XRN1: variants seen among roughly 807,000 people sequenced by gnomAD.
The protein encoded by XRN1 is 5'-3' exoribonuclease 1, also known as strand-exchange protein 1 homolog.
Under a neutral mutation model 222.3 loss-of-function variants are expected in XRN1, and 67 were observed. That is an observed-to-expected ratio of 0.30 (90% CI 0.25 to 0.37). The LOEUF (loss-of-function observed/expected upper bound fraction) is 0.37. Ranked by LOEUF, XRN1 falls within the 10% of genes least tolerant of loss-of-function variation. The pLI, the probability that XRN1 is intolerant of heterozygous loss-of-function variation, is 1.00. For missense variants in XRN1, 1,707 were observed against 2,000.2 expected (o/e 0.85, Z 2.80); for synonymous variants, 643 against 652.4 (o/e 0.99, Z 0.22).
chr3:142,345,360 T>C (rs1428196841), intron 33 of XRN1, among the ~76,000 whole-genome samples: 1 of 152,146 alleles, frequency 6.6e-6, no homozygotes, highest in Non-Finnish European at 1.5e-5. Flanking sequence ...GAAGAATGAA[T>C]ATGAACTCCT....
Position 142,337,829 on chromosome 3 carries a change from G to GA in XRN1, c.3878-2321dup, listed in dbSNP as rs1560302304. On this transcript the variant is annotated intron_variant, in intron 33 of 40. Transcript: ENST00000392981. ...GACATCAGCAAAATGTCAGAGTAAG[G>GA]ACCTCCAAAAATTCTCTCCTCCATA... Among the ~76,000 whole-genome samples the GA allele has an allele frequency of 2.0e-5, 3 of 152,252 alleles. No homozygotes were observed. In the South Asian group the frequency reaches 6.2e-4, roughly 32 times the overall value.
chr3:142,399,243 A>G lies in XRN1; in HGVS notation c.2207+1201T>C, dbSNP rs548694390. ...AAAATAGCTAAAACAATTCTGAAAA[A>G]AAAAAAAAAAAAAAGTGAAGTTGAA... On this transcript the variant is annotated intron_variant, in intron 19 of 40. Transcript: ENST00000392981. Among the ~76,000 whole-genome samples the G allele has an allele frequency of 1.8e-3, 265 of 151,336 alleles. 1 individual carries two copies. Among genetic ancestry groups the G allele is most frequent in the African/African-American group, 6.1e-3 (255 of 41,464 alleles).
rs77999111 is a variant in XRN1 at position 142,329,094 on chromosome 3, G to A, written c.4404+340C>T. Among the ~76,000 whole-genome samples the A allele has an allele frequency of 6.1e-4, 93 of 151,816 alleles. 1 individual carries two copies. In the East Asian group the frequency reaches 0.018, roughly 29 times the overall value. On this transcript the variant is annotated intron_variant, in intron 37 of 40. Transcript: ENST00000392981. ...TTTTAATTTCAAACACAGTAAATATGGATATAAGTAAACAAAATCTCTTTG... is the reference window on the plus strand; with the variant it reads ...TTTTAATTTCAAACACAGTAAATATAGATATAAGTAAACAAAATCTCTTTG...
At chr3:142,427,804 A>C (rs2069324146) in intron 2 of XRN1, among the ~76,000 whole-genome samples, 1 of 152,224 alleles carries the variant, frequency 6.6e-6, no homozygotes. Flanking sequence ...GCAGCGTACC[A>C]GCATGCCACA....
At chr3:142,374,675 T>C (rs2067087562) in intron 25 of XRN1, among the ~76,000 whole-genome samples, 1 of 152,168 alleles carries the variant, frequency 6.6e-6, no homozygotes, top group Non-Finnish European at 1.5e-5. Flanking sequence ...AGAAAATCCA[T>C]AAATATGTCA....
intron 22 of XRN1, among the ~76,000 whole-genome samples, chr3:142,380,696 T>C (rs1475034259): frequency 6.6e-6 from 1 of 151,960 alleles, no homozygotes; most frequent in Admixed American, 6.6e-5. Context: ...CTCTGTCATC[T>C]AGGCTGGAGT....
intron 1 of XRN1, among the ~76,000 whole-genome samples, chr3:142,444,852 CATA>C (rs967022832): frequency 1.3e-5 from 2 of 152,158 alleles, no homozygotes; most frequent in Non-Finnish European, 2.9e-5. Context: ...AAAAAATAAT[CATA>C]ATAATCCCAG....
intron 15 of XRN1, 26 bp downstream of exon 15, chr3:142,412,518 A>T (rs752975486): frequency 1.2e-5 from 19 of 1,562,632 alleles, no homozygotes; most frequent in Non-Finnish European, 1.7e-5. Context: ...ATGTATGTGT[A>T]TGTAATGATT....
chr3:142,400,487 G>C lies in XRN1; in HGVS notation c.2164C>G (p.Leu722Val). ...ACAGCCACGACTCTAGCTTCCTCAA[G>C]GTGAGGCCAATTAACAAAGACAGAT... ...GKSVFVNWPH[L>V]EEARVVAVSD... The change falls in exon 19 of 41, where the codon CTT (leucine) becomes GTT (valine). Residue 722 changes from leucine (L) to valine (V), a missense_variant. By Grantham distance (32) the Leu-to-Val change is conservative. Coordinates refer to ENST00000392981, the MANE Select transcript of XRN1 (RefSeq NM_001282857.2). The C allele has an allele frequency of 1.2e-6, 2 of 1,612,150 alleles. No individual in the cohort carries two copies. The highest frequency in any genetic ancestry group is 1.7e-6 in the Non-Finnish European group (2 of 1,179,026).
At chr3:142,394,177 TC>T (rs2067841953) in intron 20 of XRN1, among the ~76,000 whole-genome samples, 1 of 152,108 alleles carries the variant, frequency 6.6e-6, no homozygotes. Context: ...TCTCCCTCTA[TC>T]CCACTTAGAT....
At chr3:142,328,095 T>C (rs1577226965) in intron 37 of XRN1, among the ~76,000 whole-genome samples, 1 of 152,226 alleles carries the variant, frequency 6.6e-6, no homozygotes, top group Admixed American at 6.5e-5. Flanking sequence ...AGGTTGATTC[T>C]ACATCTTGGC....
Position 142,416,084 on chromosome 3 carries a change from CA to C in XRN1, c.1436+1055del, listed in dbSNP as rs113909171. 4.8e-4 allele frequency among the ~76,000 whole-genome samples: 68 copies of C among 142,810 alleles called. 1 individual carries two copies. Among genetic ancestry groups the C allele is most frequent in the African/African-American group, 4.1e-4 (16 of 39,218 alleles). The allele number at this position is 142,810 out of a possible 152,430, so 93.7% of individuals were successfully genotyped here. A position where few individuals can be genotyped will look rare whatever the true frequency, so the allele number is the denominator to read the frequency against. On this transcript the variant is annotated intron_variant, in intron 13 of 40. Coordinates refer to ENST00000392981, the MANE Select transcript of XRN1 (RefSeq NM_001282857.2). ...TTGCTGACAGAACGAGACTCTGTCT[CA>C]AAAAAAAAAAGAACTCCTTTCTCTT... is the stretch of plus-strand genomic sequence containing the variant.
At chr3:142,427,590 A>G (rs1357606921) in intron 2 of XRN1, among the ~76,000 whole-genome samples, 1 of 152,204 alleles carries the variant, frequency 6.6e-6, no homozygotes, top group South Asian at 2.1e-4. Context: ...TAAAAATGCA[A>G]TTATAAAATT....
chr3:142,336,964 A>G (rs997080075), intron 33 of XRN1, among the ~76,000 whole-genome samples: 2 of 152,220 alleles, frequency 1.3e-5, no homozygotes, highest in African/African-American at 4.8e-5. Context: ...TATTAAAAAA[A>G]GGTATAGCAC....
intron 1 of XRN1, among the ~76,000 whole-genome samples, chr3:142,446,198 ACTT>A (rs2070496073): frequency 1.3e-5 from 2 of 152,298 alleles, no homozygotes; most frequent in Non-Finnish European, 2.9e-5. Flanking sequence ...CCCGTAACTT[ACTT>A]CTTCTCCCTA....
At chr3:142,354,762 C>T (rs2066413641) in intron 32 of XRN1, among the ~76,000 whole-genome samples, 1 of 152,098 alleles carries the variant, frequency 6.6e-6, no homozygotes, top group South Asian at 2.1e-4. Context: ...AACTCCTGAC[C>T]TCCAGTGATC....
At position 142,355,257 on chromosome 3, in the gene XRN1, AAAAG is replaced by A. The variant is rs1357046468; in HGVS notation, c.3768+140_3768+143del. On this transcript the variant is annotated intron_variant, in intron 32 of 40. Transcript: ENST00000392981. ...ACAAATAAAGTTGAAATTATTTAAA[AAAAG>A]AAAAAGAAAATTCATGATCAAAATT... 2 of 460,344 alleles carry A rather than the reference AAAAG, an allele frequency of 4.3e-6. 1 individual carries two copies. Among genetic ancestry groups the A allele is most frequent in the Non-Finnish European group, 7.3e-6 (2 of 275,812 alleles). 28.5% of individuals were successfully genotyped at this position (460,344 alleles called of 1,614,324 possible).
intron 37 of XRN1, among the ~76,000 whole-genome samples, chr3:142,323,738 G>A (rs1041828526): frequency 2.0e-5 from 3 of 152,034 alleles, no homozygotes; most frequent in Non-Finnish European, 4.4e-5. Flanking sequence ...AGCACTTTGG[G>A]AAGCCAAGGT....
At chr3:142,388,054 T>C (rs185120211) in intron 20 of XRN1, among the ~76,000 whole-genome samples, 31 of 152,312 alleles carry the variant, frequency 2.0e-4, no homozygotes, top group Admixed American at 3.9e-4. Flanking sequence ...TCTTTATAAA[T>C]TACCCAGCCT....
Sources: gnomAD v4.1 joint callset for allele counts (sites outside exome capture counted in the v4.1 genomes callset) on GRCh38, gnomAD v4.1.1 for gene constraint, MANE v1.5 for transcripts, NCBI Gene and HGNC (gene_info 2026-07-23, HGNC 2026-07-21) for gene names.